KSR2: variants seen among roughly 807,000 people sequenced by gnomAD.
KSR2 encodes kinase suppressor of ras 2.
KSR2 carries 25 observed loss-of-function variants against 107.8 expected under a neutral mutation model. The observed-to-expected ratio is 0.23, with a 90% CI of 0.17 to 0.32. The LOEUF is 0.32. KSR2 is among the 10% of genes least tolerant of loss of function. KSR2 has a pLI of 1.00. For missense variants in KSR2, 887 were observed against 1,268.9 expected (o/e 0.70, Z 4.57); for synonymous variants, 480 against 507.0 (o/e 0.95, Z 0.71).
At chr12:117,566,549 G>A (rs906255229) in intron 7 of KSR2, among the ~76,000 whole-genome samples, 11 of 152,124 alleles carry the variant, frequency 7.2e-5, no homozygotes, top group Admixed American at 6.5e-4. Context: ...ATCCATGTTC[G>A]TGCAAAGGAC....
At chr12:117,912,259 G>A (rs1030734526) in intron 1 of KSR2, among the ~76,000 whole-genome samples, 1 of 152,148 alleles carries the variant, frequency 6.6e-6, no homozygotes, top group Non-Finnish European at 1.5e-5. Flanking sequence ...AGGTCAATGG[G>A]AAAAGCTACT....
chr12:117,539,397 G>A (rs1295945051), intron 10 of KSR2: 1 of 302,140 alleles, frequency 3.3e-6, no homozygotes, highest in Non-Finnish European at 6.0e-6. Context: ...AGACTTAGGC[G>A]AAGACCCTGG....
chr12:117,849,805 A>T (rs1892850522), intron 3 of KSR2, among the ~76,000 whole-genome samples: 1 of 152,244 alleles, frequency 6.6e-6, no homozygotes, highest in Non-Finnish European at 1.5e-5. Flanking sequence ...CCTTGCTGCC[A>T]TATCCTTGGT....
At chr12:117,469,451 G>A (rs979231582) in intron 19 of KSR2, among the ~76,000 whole-genome samples, 12 of 152,214 alleles carry the variant, frequency 7.9e-5, no homozygotes, top group African/African-American at 2.9e-4. Flanking sequence ...GTAGCTGCAG[G>A]ACCCAAGACC....
intron 5 of KSR2, among the ~76,000 whole-genome samples, chr12:117,632,237 T>TC (rs1360274354): frequency 6.9e-6 from 1 of 143,976 alleles, no homozygotes; most frequent in African/African-American, 2.6e-5. Flanking sequence ...TTTTTTTTTT[T>TC]TTTTTGAGAT....
chr12:117,735,360 T>C (rs1394229214), intron 4 of KSR2, among the ~76,000 whole-genome samples: 7 of 152,160 alleles, frequency 4.6e-5, no homozygotes, highest in South Asian at 4.1e-4. Flanking sequence ...CCCAGAAGCC[T>C]GGCGCCTGCC....
chr12:117,558,293 C>T (rs574397013), intron 8 of KSR2, among the ~76,000 whole-genome samples: 1 of 151,936 alleles, frequency 6.6e-6, no homozygotes, highest in Admixed American at 6.6e-5. Flanking sequence ...GTCAGAGGGA[C>T]CAGTAGAGGG....
intron 3 of KSR2, among the ~76,000 whole-genome samples, chr12:117,780,497 T>C (rs1889846202): frequency 6.6e-6 from 1 of 152,202 alleles, no homozygotes; most frequent in African/African-American, 2.4e-5. Flanking sequence ...TTACATAAGG[T>C]ATCTAGATGA....
At chr12:117,760,828 C>G (rs1304966228) in intron 4 of KSR2, among the ~76,000 whole-genome samples, 183 bp downstream of exon 4, 2 of 152,230 alleles carry the variant, frequency 1.3e-5, no homozygotes, top group East Asian at 3.9e-4. Flanking sequence ...ACGGCCAATT[C>G]TGGGAAATTC....
At position 117,722,782 on chromosome 12, in the gene KSR2, T is replaced by C. The variant is rs549474976; in HGVS notation, c.986+38229A>G. 2.6e-5 allele frequency among the ~76,000 whole-genome samples: 4 copies of C among 152,328 alleles called. No individual in the cohort carries two copies. In the South Asian group the frequency reaches 8.3e-4, roughly 32 times the overall value. On this transcript the variant is annotated intron_variant, in intron 4 of 19. Transcript: ENST00000339824. ...TTCACTTTACTGTATGGATTCACCC[T>C]GAATTCTTTCTTGCCCGAGATCTAA...
At chr12:117,504,707 C>T (rs1416154802) in intron 14 of KSR2, among the ~76,000 whole-genome samples, 1 of 152,158 alleles carries the variant, frequency 6.6e-6, no homozygotes, top group Non-Finnish European at 1.5e-5. Context: ...GAGTCAAGAT[C>T]AGCCAGACTG....
intron 14 of KSR2, among the ~76,000 whole-genome samples, chr12:117,488,907 G>A (rs1246739785): frequency 4.6e-5 from 7 of 152,080 alleles, no homozygotes; most frequent in South Asian, 2.1e-4. Context: ...AAACTAAGAC[G>A]CAACCCAAAT....
intron 3 of KSR2, among the ~76,000 whole-genome samples, chr12:117,771,380 T>C (rs1227243723): frequency 6.6e-6 from 1 of 152,184 alleles, no homozygotes; most frequent in African/African-American, 2.4e-5. Flanking sequence ...AATGTACATC[T>C]TACATAATCT....
At chr12:117,608,276 G>A (rs76509743) in intron 5 of KSR2, among the ~76,000 whole-genome samples, 3,106 of 152,242 alleles carry the variant, frequency 0.02, 109 homozygotes, top group African/African-American at 0.071. Flanking sequence ...TGTGTCTTAC[G>A]CAGTGCCCAG....
chr12:117,610,937 A>T (rs1881561904), intron 5 of KSR2, among the ~76,000 whole-genome samples: 1 of 152,140 alleles, frequency 6.6e-6, no homozygotes, highest in Non-Finnish European at 1.5e-5. Flanking sequence ...TTCTGCAATA[A>T]ACCATAGTAT....
chr12:117,479,041 C>T (rs769564869), intron 16 of KSR2, among the ~76,000 whole-genome samples: 6 of 152,294 alleles, frequency 3.9e-5, no homozygotes, highest in Non-Finnish European at 8.8e-5. Flanking sequence ...AATGACGCTC[C>T]AAGAGTTTGG....
chr12:117,845,073 G>A (rs1488710629), intron 3 of KSR2, among the ~76,000 whole-genome samples: 3 of 152,182 alleles, frequency 2.0e-5, no homozygotes, highest in Non-Finnish European at 2.9e-5. Context: ...ATGAACCCGG[G>A]AGGCGGAGCG....
intron 3 of KSR2, among the ~76,000 whole-genome samples, chr12:117,835,398 G>A (rs1253811854): frequency 6.6e-6 from 1 of 152,078 alleles, no homozygotes; most frequent in Non-Finnish European, 1.5e-5. Context: ...AAGACCCCTG[G>A]GAAAACCATG....
chr12:117,936,369 C>T (rs1326092017), intron 1 of KSR2, among the ~76,000 whole-genome samples: 1 of 151,956 alleles, frequency 6.6e-6, no homozygotes, highest in Non-Finnish European at 1.5e-5. Flanking sequence ...ATCTGTTGCC[C>T]ACGCTGGAAT....
Sources: allele counts gnomAD v4.1 joint callset (sites outside exome capture counted in the v4.1 genomes callset), GRCh38; gene constraint gnomAD v4.1.1; transcripts MANE v1.5; gene names NCBI Gene and HGNC (gene_info 2026-07-23, HGNC 2026-07-21).